SAMD4A: variants seen among roughly 807,000 people sequenced by gnomAD.
SAMD4A encodes the protein protein Smaug homolog 1.
SAMD4A carries 33 observed loss-of-function variants against 81.3 expected under a neutral mutation model. The observed-to-expected ratio is 0.41, with a 90% CI of 0.31 to 0.54. SAMD4A has a LOEUF of 0.54. Ranked by LOEUF, SAMD4A falls within the 20% of genes least tolerant of loss-of-function variation. The pLI is 0.37. For missense variants in SAMD4A, 854 were observed against 951.1 expected, an observed-to-expected ratio of 0.90 and a Z score of 1.34; for synonymous variants, 389 against 382.1, an observed-to-expected ratio of 1.02 and a Z score of -0.21.
intron 12 of SAMD4A, among the ~76,000 whole-genome samples, chr14:54,785,375 C>T (rs542980910): frequency 2.0e-5 from 3 of 152,348 alleles, no homozygotes; most frequent in East Asian, 1.9e-4. Context: ...TGGTACTAAG[C>T]GGGCACCTTT....
At chr14:54,568,786 G>T (rs1224908762) in intron 2 of SAMD4A, among the ~76,000 whole-genome samples, 1 of 138,250 alleles carries the variant, frequency 7.2e-6, no homozygotes, top group Non-Finnish European at 1.5e-5. Context: ...TATTGATACG[G>T]ATCTTGTAGA....
At chr14:54,689,266 G>A (rs1324171227) in intron 2 of SAMD4A, among the ~76,000 whole-genome samples, 1 of 152,070 alleles carries the variant, frequency 6.6e-6, no homozygotes, top group Non-Finnish European at 1.5e-5. Flanking sequence ...TTCCAGGCAT[G>A]CCCCTCCTCC....
intron 4 of SAMD4A, among the ~76,000 whole-genome samples, chr14:54,747,055 T>TC (rs1337102816): frequency 6.6e-6 from 1 of 152,224 alleles, no homozygotes; most frequent in African/African-American, 2.4e-5. Flanking sequence ...AGCTGCCATG[T>TC]CCTGGACTCT....
intron 2 of SAMD4A, among the ~76,000 whole-genome samples, chr14:54,633,622 T>G (rs1262465615): frequency 6.6e-6 from 1 of 151,840 alleles, no homozygotes; most frequent in African/African-American, 2.4e-5. Context: ...AGCCTGCTGG[T>G]TTTGCTGACA....
chr14:54,662,806 A>T (rs1431891458), intron 2 of SAMD4A, among the ~76,000 whole-genome samples: 1 of 152,004 alleles, frequency 6.6e-6, no homozygotes, highest in Non-Finnish European at 1.5e-5. Flanking sequence ...TGGGGCTGCT[A>T]TGGCCCTGCG....
intron 2 of SAMD4A, among the ~76,000 whole-genome samples, chr14:54,651,593 A>G (rs1349285320): frequency 6.6e-6 from 1 of 152,230 alleles, no homozygotes; most frequent in Non-Finnish European, 1.5e-5. Flanking sequence ...ACTTACTAGT[A>G]AATATGCACT....
chr14:54,724,000 G>GGAAGGAAGGAAGGAAGGAAGGAA (rs2037332116), intron 3 of SAMD4A, among the ~76,000 whole-genome samples: 1 of 110,154 alleles, frequency 9.1e-6, no homozygotes. Context: ...TTGGATGGAT[G>GGAAGGAAGGAAGGAAGGAAGGAA]GATGGATGGA....
chr14:54,625,066 A>G (rs1338496964), intron 2 of SAMD4A, among the ~76,000 whole-genome samples: 1 of 152,046 alleles, frequency 6.6e-6, no homozygotes, highest in Non-Finnish European at 1.5e-5. Flanking sequence ...CAAAGTTATC[A>G]TTTCTTTTTT....
chr14:54,749,910 T>C (rs1269897294), intron 5 of SAMD4A, among the ~76,000 whole-genome samples: 1 of 152,222 alleles, frequency 6.6e-6, no homozygotes, highest in Non-Finnish European at 1.5e-5. Flanking sequence ...TCCCCAGTAC[T>C]TATTCGGTAC....
intron 7 of SAMD4A, among the ~76,000 whole-genome samples, chr14:54,761,531 T>C (rs2038398227): frequency 6.6e-6 from 1 of 152,248 alleles, no homozygotes; most frequent in Non-Finnish European, 1.5e-5. Context: ...TCCTGGCTTC[T>C]GAGCCTTTGT....
At chr14:54,752,954 C>T (rs906187066) in intron 6 of SAMD4A, among the ~76,000 whole-genome samples, 13 of 152,250 alleles carry the variant, frequency 8.5e-5, no homozygotes, top group Admixed American at 7.2e-4. Flanking sequence ...ACCCAAACAT[C>T]TCAGTGGAGT....
intron 2 of SAMD4A, among the ~76,000 whole-genome samples, chr14:54,623,983 T>C (rs1325657550): frequency 2.0e-5 from 3 of 152,192 alleles, no homozygotes; most frequent in Non-Finnish European, 4.4e-5. Context: ...TAATTCCTTT[T>C]TTTTTTCTTT....
At chr14:54,666,684 A>G (rs954688067) in intron 2 of SAMD4A, among the ~76,000 whole-genome samples, 1 of 152,214 alleles carries the variant, frequency 6.6e-6, no homozygotes, top group Non-Finnish European at 1.5e-5. Flanking sequence ...CCATCAGCTT[A>G]TAAATAGCAT....
chr14:54,770,356 T>C, intron 9 of SAMD4A, 134 bp downstream of exon 9: 1 of 663,022 alleles, frequency 1.5e-6, no homozygotes, highest in Non-Finnish European at 2.7e-6. Flanking sequence ...GAGTTCCAAA[T>C]TGCATTGCTT....
chr14:54,670,118 T>C (rs2035847965), intron 2 of SAMD4A, among the ~76,000 whole-genome samples: 2 of 152,116 alleles, frequency 1.3e-5, no homozygotes, highest in South Asian at 4.1e-4. Context: ...GAACAGAACA[T>C]TTAGTTCTCG....
intron 3 of SAMD4A, among the ~76,000 whole-genome samples, chr14:54,725,185 G>A (rs968908788): frequency 3.3e-5 from 5 of 152,166 alleles, no homozygotes; most frequent in African/African-American, 1.2e-4. Context: ...AATAATGGAG[G>A]TACTTAGAAT....
At chr14:54,710,269 C>T (rs1424335373) in intron 3 of SAMD4A, among the ~76,000 whole-genome samples, 4 of 151,786 alleles carry the variant, frequency 2.6e-5, no homozygotes, top group African/African-American at 9.7e-5. Flanking sequence ...GTGTTTGGTA[C>T]CATAGAAGAT....
chr14:54,612,100 T>C (rs1474992820), intron 2 of SAMD4A, among the ~76,000 whole-genome samples: 2 of 152,172 alleles, frequency 1.3e-5, no homozygotes, highest in Non-Finnish European at 2.9e-5. Context: ...CTGAATTGCA[T>C]TTATTTACTG....
chr14:54,679,775 T>C (rs2036085334), intron 2 of SAMD4A, among the ~76,000 whole-genome samples: 1 of 152,182 alleles, frequency 6.6e-6, no homozygotes, highest in Non-Finnish European at 1.5e-5. Flanking sequence ...TGTCTGCAAT[T>C]GGGAGACAAC....
Sources: allele counts gnomAD v4.1 joint callset (sites outside exome capture counted in the v4.1 genomes callset), GRCh38; gene constraint gnomAD v4.1.1; transcripts MANE v1.5; gene names NCBI Gene and HGNC (gene_info 2026-07-23, HGNC 2026-07-21).